Variants in TES observed in about 807,000 individuals in gnomAD.
TES encodes testin LIM domain protein, also known as testin.
Under a neutral mutation model 48.2 loss-of-function variants are expected in TES, and 41 were observed. The observed-to-expected ratio is 0.85, with a 90% CI of 0.66 to 1.10. TES has a LOEUF of 1.10. Ranked by LOEUF, TES falls within the 50% of genes least tolerant of loss-of-function variation. TES has a pLI of 0.00. For missense variants in TES, 463 were observed against 515.1 expected (o/e 0.90, Z 0.98); for synonymous variants, 162 against 174.9 (o/e 0.93, Z 0.58).
intron 2 of TES, among the ~76,000 whole-genome samples, chr7:116,236,339 C>G (rs966317087): frequency 1.3e-5 from 2 of 152,168 alleles, no homozygotes; most frequent in African/African-American, 4.8e-5. Context: ...ATTTCACATA[C>G]CTGACCGTGT....
At chr7:116,210,782 C>A (rs531214687) in intron 1 of TES, 48 bp downstream of exon 1, 86 of 1,229,538 alleles carry the variant, frequency 7.0e-5, no homozygotes, top group Admixed American at 1.3e-4. Context: ...CTGCGCGGGT[C>A]GCGCGGCGCG....
intron 1 of TES, among the ~76,000 whole-genome samples, chr7:116,226,651 G>A (rs115043712): frequency 6.3e-4 from 96 of 152,316 alleles, no homozygotes; most frequent in African/African-American, 1.8e-3. Context: ...GCAATACAAC[G>A]TCATACAAAA....
Position 116,257,528 on chromosome 7 carries a change from C to A in TES, c.*46C>A. On this transcript the variant is annotated 3_prime_UTR_variant, in exon 7 of 7. Transcript: ENST00000358204. ...TCGAGCCATAGCTATCCAAAGTGGTCTGCATTTCTACTGTAAAATGCAATT... is the reference window on the plus strand; with the variant it reads ...TCGAGCCATAGCTATCCAAAGTGGTATGCATTTCTACTGTAAAATGCAATT... The A allele has an allele frequency of 7.2e-7, 1 of 1,389,870 alleles. No homozygotes were observed. The highest frequency in any genetic ancestry group is 1.8e-5 in the South Asian group (1 of 55,132). The allele number at this position is 1,389,870 out of a possible 1,614,324, so 86.1% of individuals were successfully genotyped here.
intron 1 of TES, chr7:116,211,331 C>G (rs1213259587): frequency 6.6e-6 from 1 of 152,244 alleles, no homozygotes; most frequent in Non-Finnish European, 1.5e-5. Context: ...CAGTGCCTCC[C>G]TCTTAGGGAA....
At chr7:116,221,704 A>G (rs911067359) in intron 1 of TES, among the ~76,000 whole-genome samples, 3 of 152,220 alleles carry the variant, frequency 2.0e-5, no homozygotes, top group East Asian at 1.9e-4. Flanking sequence ...TCAAGAATCA[A>G]TGTACTGAAA....
intron 6 of TES, among the ~76,000 whole-genome samples, chr7:116,254,468 G>T (rs1053888419): frequency 3.4e-4 from 52 of 152,026 alleles, no homozygotes; most frequent in African/African-American, 1.2e-3. Context: ...AGGCATGGTG[G>T]CTCACGCCTG....
At chr7:116,239,050 A>G (rs1159791945) in intron 2 of TES, 1 of 152,234 alleles carries the variant, frequency 6.6e-6, no homozygotes, top group Non-Finnish European at 1.5e-5. Flanking sequence ...TTTCAAGCTC[A>G]TTCTTGTTGG....
intron 2 of TES, among the ~76,000 whole-genome samples, chr7:116,246,946 C>CTTTTTTTTTTTTTTTTT (rs148032626): frequency 1.5e-5 from 2 of 131,046 alleles, no homozygotes. Flanking sequence ...AGACTAGGCC[C>CTTTTTTTTTTTTTTTTT]CTTTTTTTTT....
intron 1 of TES, among the ~76,000 whole-genome samples, chr7:116,228,402 T>G (rs374922653): frequency 6.6e-5 from 10 of 152,346 alleles, no homozygotes; most frequent in African/African-American, 2.4e-4. Context: ...AGAAAAATTA[T>G]TCTGTCATAT....
intron 1 of TES, among the ~76,000 whole-genome samples, chr7:116,228,643 T>A (rs989871538): frequency 6.6e-6 from 1 of 152,210 alleles, no homozygotes. Flanking sequence ...TTTATAAAAC[T>A]ACTCCACCAG....
chr7:116,245,495 A>C (rs891836319), intron 2 of TES, among the ~76,000 whole-genome samples: 1 of 151,936 alleles, frequency 6.6e-6, no homozygotes, highest in Non-Finnish European at 1.5e-5. Flanking sequence ...TTTTGGTAAA[A>C]CTCATTCAAC....
intron 5 of TES, 124 bp downstream of exon 5, chr7:116,252,099 A>T (rs1800023076): frequency 9.2e-7 from 1 of 1,091,028 alleles, no homozygotes; most frequent in Admixed American, 2.6e-5. Context: ...AGAAGTTTTA[A>T]AAAATAAACT....
Position 116,257,376 on chromosome 7 carries a change from A to G in TES, c.1160A>G (p.Glu387Gly). 1 of 1,614,110 alleles carries G rather than the reference A, an allele frequency of 6.2e-7. No homozygotes were observed. The highest frequency in any genetic ancestry group is 1.7e-5 in the Admixed American group (1 of 60,000). The change falls in exon 7 of 7, where the codon GAG becomes GGG. Residue 387 changes from glutamate to glycine, a missense_variant. Physicochemically the swap from Glu to Gly is moderately conservative, Grantham distance 98. Transcript: ENST00000358204. Reference sequence around the variant, plus strand: ...AATTTCAGCTGGCATGCATCCACAGAGTGCTTTCTGTGCTCTTGCTGCAGC... The same window carrying G: ...AATTTCAGCTGGCATGCATCCACAGGGTGCTTTCTGTGCTCTTGCTGCAGC... ...YNNFSWHAST[E>G]CFLCSCCSKC...
intron 1 of TES, chr7:116,217,873 T>G (rs1799512125): frequency 3.9e-6 from 2 of 515,656 alleles, no homozygotes; most frequent in South Asian, 2.8e-5. Flanking sequence ...CTAAGTGCCC[T>G]GTCTACCTAA....
chr7:116,230,015 T>G (rs767038652), intron 1 of TES, among the ~76,000 whole-genome samples: 2 of 152,232 alleles, frequency 1.3e-5, no homozygotes, highest in Non-Finnish European at 2.9e-5. Flanking sequence ...TATATACTTA[T>G]AGCTATAAAA....
rs578178377 is a variant in TES, at chr7:116,247,312, T to C, written c.114-1708T>C. On this transcript the variant is annotated intron_variant, in intron 2 of 6. Coordinates refer to ENST00000358204, the MANE Select transcript of TES (RefSeq NM_015641.4). Reference sequence around the variant, plus strand: ...TAAAAAAACAAACAAACAAGAAACCTTGGATAATAGCTATAAAATGTTAAC... The same window carrying C: ...TAAAAAAACAAACAAACAAGAAACCCTGGATAATAGCTATAAAATGTTAAC... Among the ~76,000 whole-genome samples, 4 of 152,190 alleles carry C rather than the reference T, an allele frequency of 2.6e-5. No individual in the cohort carries two copies. The South Asian group carries it at 8.3e-4, about 32-fold the overall frequency.
At chr7:116,257,210 A>G (rs1354994425) in intron 6 of TES, 84 bp from the exon 7 acceptor site, 29 of 1,368,820 alleles carry the variant, frequency 2.1e-5, no homozygotes, top group Admixed American at 5.0e-5. Context: ...TTAATTTATC[A>G]TCTAAAGAAA....
intron 2 of TES, among the ~76,000 whole-genome samples, chr7:116,240,746 C>A (rs761104969): frequency 1.3e-5 from 2 of 152,104 alleles, no homozygotes; most frequent in African/African-American, 4.8e-5. Context: ...GGAGAGAGAA[C>A]TGCTCAATAG....
At chr7:116,238,585 CATT>C (rs375782060) in intron 2 of TES, among the ~76,000 whole-genome samples, 37 of 129,346 alleles carry the variant, frequency 2.9e-4, no homozygotes, top group South Asian at 2.5e-3. Context: ...CAACATCCAT[CATT>C]ATTATTATTA....
Sources: gnomAD v4.1 joint callset for allele counts (sites outside exome capture counted in the v4.1 genomes callset) on GRCh38, gnomAD v4.1.1 for gene constraint, MANE v1.5 for transcripts, NCBI Gene and HGNC (gene_info 2026-07-23, HGNC 2026-07-21) for gene names.